The following REEP1 variants were observed in gnomAD, a reference collection of about 807,000 sequenced individuals.
REEP1 encodes receptor expression-enhancing protein 1.
A neutral mutation model predicts 40.3 loss-of-function variants in REEP1; 22 were observed. The ratio of observed to expected loss-of-function variants is 0.55; its 90% CI spans 0.39 to 0.78. The LOEUF (loss-of-function observed/expected upper bound fraction) is 0.78, where lower values mean the gene tolerates loss of function less well. Ranked by LOEUF, REEP1 falls within the 30% of genes least tolerant of loss-of-function variation. REEP1 has a pLI of 0.00. For missense variants in REEP1, 280 were observed against 361.1 expected, an observed-to-expected ratio of 0.78 and a Z score of 1.82; for synonymous variants, 116 against 139.2, an observed-to-expected ratio of 0.83 and a Z score of 1.17.
At chr2:86,223,659 C>T (rs1674541202) in intron 7 of REEP1, 1 of 152,210 alleles carries the variant, frequency 6.6e-6, no homozygotes, top group South Asian at 2.1e-4. Flanking sequence ...CACTCACTTC[C>T]CATGCTCTAA....
chr2:86,313,401 C>A (rs1679855796), intron 1 of REEP1, among the ~76,000 whole-genome samples: 1 of 151,666 alleles, frequency 6.6e-6, no homozygotes, highest in Non-Finnish European at 1.5e-5. Context: ...GCCATCACCT[C>A]TCCTTTGTTT....
At chr2:86,282,975 C>A (rs769741054) in intron 1 of REEP1, among the ~76,000 whole-genome samples, 13 of 152,134 alleles carry the variant, frequency 8.5e-5, no homozygotes, top group Non-Finnish European at 1.8e-4. Flanking sequence ...AAAGCCTTTG[C>A]CTGTGCTGTT....
At chr2:86,318,400 CTTTTT>C (rs775382572) in intron 1 of REEP1, among the ~76,000 whole-genome samples, 4 of 52,906 alleles carry the variant, frequency 7.6e-5, no homozygotes, top group South Asian at 5.8e-4. Flanking sequence ...CTTTTCTTTT[CTTTTT>C]TTTTTTTTTT....
rs535417125 is a variant in REEP1, at chr2:86,220,039, G to C, written c.714C>G (p.Asp238Glu). ...TGAAATCCAGCAGGTCTTCCTCCTCGTCGTCAGAAAACGCCAATGGGTTTT... is the reference window on the plus strand; with the variant it reads ...TGAAATCCAGCAGGTCTTCCTCCTCCTCGTCAGAAAACGCCAATGGGTTTT... ...QVQNPLAFSD[D>E]EEEDLLDFMY... The change falls in exon 8 of 9, where the codon GAC (aspartate) becomes GAG (glutamate). Residue 238 changes from aspartate to glutamate, a missense_variant. Transcript: ENST00000538924. 5.4e-4 allele frequency: 671 copies of C among 1,232,114 alleles called. 2 individuals carry two copies. In the African/African-American group the frequency reaches 7.1e-3, roughly 13 times the overall value. The allele number at this position is 1,232,114 out of a possible 1,614,324, so 76.3% of individuals were successfully genotyped here.
intron 1 of REEP1, among the ~76,000 whole-genome samples, chr2:86,290,500 G>C (rs1317026306): frequency 6.6e-6 from 1 of 152,148 alleles, no homozygotes; most frequent in African/African-American, 2.4e-5. Flanking sequence ...CACAAGTGAG[G>C]TGTGTCGTGG....
chr2:86,249,481 C>T lies in REEP1; in HGVS notation c.417+2476G>A, dbSNP rs1490781284. ...GCTTTAACCCTCATCACCTGTGCCC[C>T]CTATGGTTCTGTATGGGGTCTCAGG... On this transcript the variant is annotated intron_variant, in intron 5 of 8. Transcript: ENST00000538924. Among the ~76,000 whole-genome samples, 3 of 152,144 alleles carry T rather than the reference C, an allele frequency of 2.0e-5. No individual in the cohort carries two copies. In the East Asian group the frequency reaches 5.8e-4, roughly 29 times the overall value.
At position 86,326,942 on chromosome 2, in the gene REEP1, T is replaced by C. The variant is rs576396666; in HGVS notation, c.32+10537A>G. On this transcript the variant is annotated intron_variant, in intron 1 of 8. Transcript: ENST00000538924. ...ACTCTCTTTCCCACATTAAAACATT[T>C]TCAGAACATGGACACCTGGCCTTAA... is the stretch of plus-strand genomic sequence containing the variant. Among the ~76,000 whole-genome samples the C allele has an allele frequency of 1.8e-3, 276 of 152,300 alleles. 1 individual carries two copies. The highest frequency in any genetic ancestry group is 5.9e-3 in the African/African-American group (247 of 41,562).
At chr2:86,230,363 G>A (rs551052508) in intron 6 of REEP1, among the ~76,000 whole-genome samples, 2 of 152,322 alleles carry the variant, frequency 1.3e-5, no homozygotes, top group Admixed American at 1.3e-4. Context: ...CTGGATTCTG[G>A]GCCTGGGGGC....
intron 5 of REEP1, chr2:86,251,717 T>C (rs1236944213): frequency 5.3e-6 from 3 of 563,758 alleles, no homozygotes; most frequent in African/African-American, 3.8e-5. Flanking sequence ...GACGCACAGA[T>C]GAGCTTCAGG....
At chr2:86,265,214 G>T (rs1340605199) in intron 2 of REEP1, among the ~76,000 whole-genome samples, 1 of 152,216 alleles carries the variant, frequency 6.6e-6, no homozygotes, top group Non-Finnish European at 1.5e-5. Context: ...AAAGCTCAGA[G>T]TTGAGCAGAG....
intron 2 of REEP1, among the ~76,000 whole-genome samples, chr2:86,275,833 C>T (rs1156772536): frequency 1.3e-5 from 2 of 152,166 alleles, no homozygotes; most frequent in Non-Finnish European, 2.9e-5. Context: ...ATCCCGGGCA[C>T]ATTTTCAAAC....
chr2:86,291,645 TA>T (rs201628521), intron 1 of REEP1, among the ~76,000 whole-genome samples: 1 of 151,460 alleles, frequency 6.6e-6, no homozygotes, highest in African/African-American at 2.4e-5. Context: ...AGTTTACAAA[TA>T]AAAAAAACTG....
chr2:86,237,518 CTGT>C (rs920844163), intron 5 of REEP1, among the ~76,000 whole-genome samples: 6 of 151,598 alleles, frequency 4.0e-5, no homozygotes, highest in Admixed American at 2.6e-4. Flanking sequence ...TTTGTTTTTT[CTGT>C]TGTTGTTGTT....
At chr2:86,282,271 C>A (rs756669937) in intron 1 of REEP1, 29 bp from the exon 2 acceptor site, 1 of 1,471,454 alleles carries the variant, frequency 6.8e-7, no homozygotes, top group African/African-American at 1.4e-5. Context: ...AAAATAAATA[C>A]GATTTTTCAT....
At chr2:86,311,350 A>C (rs1444044013) in intron 1 of REEP1, among the ~76,000 whole-genome samples, 1 of 152,188 alleles carries the variant, frequency 6.6e-6, no homozygotes, top group East Asian at 1.9e-4. Flanking sequence ...ACACTGCATT[A>C]GTTTCCTAGG....
chr2:86,337,945 G>A, upstream of REEP1: 1 of 1,348,750 alleles, frequency 7.4e-7, no homozygotes, highest in Non-Finnish European at 1.0e-6. The surrounding 1 kb of genome is among the most constrained non-coding windows in gnomAD (Gnocchi z 5.8). Context: ...CCTGAACCTC[G>A]GGAATCTGTC....
In REEP1 at chr2:86,217,110, C is replaced by A. The variant is rs1674154288; in HGVS notation, c.784G>T (p.Ala262Ser). 6.2e-7 allele frequency: 1 copy of A among 1,613,470 alleles called. No individual in the cohort carries two copies. The highest frequency in any genetic ancestry group is 8.5e-7 in the Non-Finnish European group (1 of 1,179,624). Residue 262 changes from alanine (A) to serine (S), a missense_variant and splice_region_variant, in exon 9 of 9, where the codon GCA (alanine) becomes TCA (serine). Transcript: ENST00000538924. The stretch of plus-strand genomic sequence containing the variant: ...CGAGATCGAAGGATTCTAGGCGGTG[C>A]CTGGTAGAGAAAACAGAAAGGTGTC... ...APRRMELPLE[A>S]PPRILRSRFR...
chr2:86,238,135 C>G (rs1011129545), intron 5 of REEP1, among the ~76,000 whole-genome samples: 58 of 152,246 alleles, frequency 3.8e-4, no homozygotes, highest in Admixed American at 1.0e-3. Context: ...GAGCCGAGAT[C>G]GTGCCATTGC....
At chr2:86,301,758 A>G (rs768698887) in intron 1 of REEP1, among the ~76,000 whole-genome samples, 2 of 152,240 alleles carry the variant, frequency 1.3e-5, no homozygotes, top group Non-Finnish European at 2.9e-5. Context: ...CATCAATTCC[A>G]TAAATGTCGA....
Sources: gnomAD v4.1 joint callset for allele counts (sites outside exome capture counted in the v4.1 genomes callset) on GRCh38, gnomAD v4.1.1 for gene constraint, Gnocchi (gnomAD v3.1) non-coding constraint, MANE v1.5 for transcripts, NCBI Gene and HGNC (gene_info 2026-07-23, HGNC 2026-07-21) for gene names.